Variants in MICU2 observed in about 807,000 individuals in gnomAD.
The protein encoded by MICU2 is calcium uptake protein 2, mitochondrial.
Under a neutral mutation model 60.4 loss-of-function variants are expected in MICU2, and 64 were observed. The ratio of observed to expected loss-of-function variants is 1.06; its 90% confidence interval spans 0.87 to 1.31. MICU2 has a LOEUF of 1.31. MICU2 is among the 50% of genes most tolerant of loss of function. The pLI is 0.00. For missense variants in MICU2, 569 were observed against 531.0 expected (o/e 1.07, Z -0.70); for synonymous variants, 201 against 175.0 (o/e 1.15, Z -1.17).
rs115898786 is a variant in MICU2, at chr13:21,512,120, C to T, written c.664-2019G>A. On this transcript the variant is annotated intron_variant, in intron 7 of 11. Coordinates refer to ENST00000382374, the MANE Select transcript of MICU2 (RefSeq NM_152726.3). ...TTCAGTTTCTCTGCATCCTTGCCACCATCTGGTGTGTCAGTGGTTTGTTTT... is the reference window on the plus strand; with the variant it reads ...TTCAGTTTCTCTGCATCCTTGCCACTATCTGGTGTGTCAGTGGTTTGTTTT... Among the ~76,000 whole-genome samples the T allele has an allele frequency of 6.2e-3, 948 of 152,276 alleles. 9 individuals are homozygous for T. The highest frequency in any genetic ancestry group is 0.022 in the African/African-American group (899 of 41,568).
chr13:21,540,930 CAT>C (rs1193005947), intron 2 of MICU2, among the ~76,000 whole-genome samples: 4 of 152,160 alleles, frequency 2.6e-5, no homozygotes, highest in South Asian at 4.1e-4. Flanking sequence ...CTTATCTTTA[CAT>C]AGTCAATTAA....
At chr13:21,560,684 T>C (rs896663889) in intron 2 of MICU2, among the ~76,000 whole-genome samples, 1 of 151,912 alleles carries the variant, frequency 6.6e-6, no homozygotes, top group East Asian at 1.9e-4. Flanking sequence ...ACCTACCCCA[T>C]TGGGATTATT....
intron 2 of MICU2, among the ~76,000 whole-genome samples, chr13:21,551,861 C>A (rs1887576849): frequency 6.6e-6 from 1 of 152,066 alleles, no homozygotes; most frequent in Admixed American, 6.6e-5. Context: ...GGTTCCAAGT[C>A]TTTGCTATTG....
At chr13:21,522,501 A>T (rs1886743445) in intron 5 of MICU2, 102 bp downstream of exon 5, 1 of 851,564 alleles carries the variant, frequency 1.2e-6, no homozygotes, top group African/African-American at 1.7e-5. Context: ...GGCATCAATA[A>T]TGTTTTTAAT....
intron 6 of MICU2, chr13:21,515,607 C>A: frequency 2.4e-6 from 1 of 422,858 alleles, no homozygotes; most frequent in South Asian, 1.7e-5. Context: ...TTAAAAGAAT[C>A]AGATGTAGAC....
At chr13:21,548,058 A>T (rs890211149) in intron 2 of MICU2, among the ~76,000 whole-genome samples, 8 of 152,248 alleles carry the variant, frequency 5.3e-5, no homozygotes, top group Non-Finnish European at 2.9e-5. Flanking sequence ...AAAAATAGAC[A>T]AATGTTCTAC....
chr13:21,540,071 A>G (rs991269465), intron 2 of MICU2, among the ~76,000 whole-genome samples: 2 of 152,224 alleles, frequency 1.3e-5, no homozygotes, highest in African/African-American at 2.4e-5. Flanking sequence ...AAAAACACTC[A>G]TGATTTATAA....
chr13:21,577,934 G>A (rs1162891628), intron 1 of MICU2, among the ~76,000 whole-genome samples: 1 of 148,960 alleles, frequency 6.7e-6, no homozygotes, highest in Non-Finnish European at 1.5e-5. Flanking sequence ...AGCTATAATT[G>A]TGCCACTGCA....
At position 21,571,912 on chromosome 13, in the gene MICU2, GCAAAGATC is replaced by G. The variant is rs1230005481; in HGVS notation, c.211-4976_211-4969del. Among the ~76,000 whole-genome samples the G allele has an allele frequency of 2.0e-5, 3 of 152,178 alleles. No homozygotes were observed. The East Asian group carries it at 5.8e-4, about 29-fold the overall frequency. On this transcript the variant is annotated intron_variant, in intron 1 of 11. Coordinates refer to ENST00000382374, the MANE Select transcript of MICU2 (RefSeq NM_152726.3). ...AAAGTAACAGCAGCCATACAGTACT[GCAAAGATC>G]ATCATGAATTTTCACATTTTCTTTT... is the stretch of plus-strand genomic sequence containing the variant.
At chr13:21,512,081 C>T (rs1334572263) in intron 7 of MICU2, among the ~76,000 whole-genome samples, 1 of 152,228 alleles carries the variant, frequency 6.6e-6, no homozygotes, top group Non-Finnish European at 1.5e-5. Flanking sequence ...TACATTCCCA[C>T]TAGCAATGAG....
At chr13:21,526,067 A>G (rs1281884044) in intron 4 of MICU2, among the ~76,000 whole-genome samples, 1 of 150,822 alleles carries the variant, frequency 6.6e-6, no homozygotes, top group African/African-American at 2.4e-5. Flanking sequence ...CCTCCTGAGT[A>G]GCTGGGACCA....
intron 4 of MICU2, among the ~76,000 whole-genome samples, chr13:21,534,826 A>AAGC (rs1156604282): frequency 1.3e-5 from 2 of 152,246 alleles, no homozygotes; most frequent in Non-Finnish European, 2.9e-5. Context: ...ATCAGAGAGT[A>AAGC]CAGTGTAACA....
chr13:21,510,186 C>A, intron 7 of MICU2, 85 bp from the exon 8 acceptor site: 1 of 648,810 alleles, frequency 1.5e-6, no homozygotes, highest in Non-Finnish European at 2.3e-6. Context: ...AGAATAATAT[C>A]CAGAAAGGAT....
At chr13:21,596,610 G>C (rs1397316908) in intron 1 of MICU2, among the ~76,000 whole-genome samples, 1 of 152,024 alleles carries the variant, frequency 6.6e-6, no homozygotes, top group African/African-American at 2.4e-5. Flanking sequence ...TTTTGGTAAA[G>C]ATGGGGTTTC....
At chr13:21,535,810 A>G (rs1369578711) in intron 4 of MICU2, among the ~76,000 whole-genome samples, 1 of 152,162 alleles carries the variant, frequency 6.6e-6, no homozygotes, top group African/African-American at 2.4e-5. Context: ...TACATACCAG[A>G]TACTATAAAT....
intron 1 of MICU2, among the ~76,000 whole-genome samples, chr13:21,572,907 T>A (rs1433331406): frequency 1.3e-5 from 2 of 150,864 alleles, no homozygotes; most frequent in African/African-American, 4.9e-5. Flanking sequence ...TAGAAAAATA[T>A]GAAATACATT....
intron 1 of MICU2, among the ~76,000 whole-genome samples, chr13:21,593,571 C>CA (rs71093338): frequency 0.5 from 31,570 of 63,342 alleles, 8,447 homozygotes; most frequent in East Asian, 0.72. Flanking sequence ...CAATCCTAAG[C>CA]AAAAAAAAAA....
At chr13:21,501,437 T>C (rs936209222) in intron 9 of MICU2, among the ~76,000 whole-genome samples, 2 of 152,122 alleles carry the variant, frequency 1.3e-5, no homozygotes, top group African/African-American at 2.4e-5. Context: ...TAATTTTTTG[T>C]ATTTTTAGTA....
At chr13:21,527,013 A>AATCATGTTTTAACCATGTT (rs1886874891) in intron 4 of MICU2, among the ~76,000 whole-genome samples, 1 of 152,214 alleles carries the variant, frequency 6.6e-6, no homozygotes, top group South Asian at 2.1e-4. Context: ...TGTTTTAACT[A>AATCATGTTTTAACCATGTT]TAAGTAAATA....
Sources: allele counts gnomAD v4.1 joint callset (sites outside exome capture counted in the v4.1 genomes callset), GRCh38; gene constraint gnomAD v4.1.1; transcripts MANE v1.5; gene names NCBI Gene and HGNC (gene_info 2026-07-23, HGNC 2026-07-21).